Variants in ZNF385D observed in about 807,000 individuals in gnomAD.
The protein encoded by ZNF385D is zinc finger protein 659.
A neutral mutation model predicts 35.8 loss-of-function variants in ZNF385D; 15 were observed. The observed-to-expected ratio is 0.42, with a 90% CI of 0.28 to 0.64. The LOEUF (loss-of-function observed/expected upper bound fraction) is 0.64. Ranked by LOEUF, ZNF385D falls within the 30% of genes least tolerant of loss-of-function variation. The pLI, the probability that ZNF385D is intolerant of heterozygous loss-of-function variation, is 0.23. For missense variants in ZNF385D, 474 were observed against 494.6 expected, an observed-to-expected ratio of 0.96 and a Z score of 0.39; for synonymous variants, 212 against 186.8, an observed-to-expected ratio of 1.13 and a Z score of -1.10.
intron 2 of ZNF385D, among the ~76,000 whole-genome samples, chr3:22,344,306 T>A (rs1404257760): frequency 6.6e-6 from 1 of 152,052 alleles, no homozygotes; most frequent in Non-Finnish European, 1.5e-5. Flanking sequence ...ACTGCAGGAT[T>A]ACTAATTCCT....
At chr3:22,124,723 G>A (rs548201575) in intron 3 of ZNF385D, among the ~76,000 whole-genome samples, 26 of 152,110 alleles carry the variant, frequency 1.7e-4, no homozygotes, top group African/African-American at 5.1e-4. Flanking sequence ...TCTTTTTTGC[G>A]AATTGTCTAT....
At chr3:22,360,312 T>C (rs184562633) in intron 2 of ZNF385D, among the ~76,000 whole-genome samples, 641 of 152,010 alleles carry the variant, frequency 4.2e-3, no homozygotes, top group African/African-American at 0.015. Context: ...TGCCAAGCCA[T>C]CCTCAAACTA....
chr3:21,475,975 T>C (rs1704217578), intron 4 of ZNF385D, among the ~76,000 whole-genome samples: 1 of 152,106 alleles, frequency 6.6e-6, no homozygotes, highest in African/African-American at 2.4e-5. Context: ...CAGTAAATCA[T>C]CAGCAGACAC....
upstream of ZNF385D, among the ~76,000 whole-genome samples, chr3:21,752,886 C>T (rs929902010): frequency 1.3e-5 from 2 of 152,134 alleles, no homozygotes; most frequent in Non-Finnish European, 2.9e-5. Flanking sequence ...TTCCCTCAGG[C>T]AAAAGAACCA....
At chr3:22,140,192 G>C (rs970585482) in intron 3 of ZNF385D, among the ~76,000 whole-genome samples, 1 of 152,192 alleles carries the variant, frequency 6.6e-6, no homozygotes, top group Admixed American at 6.6e-5. Context: ...TTCAACTAGT[G>C]AATGAATAAA....
chr3:22,076,337 C>T (rs899617978), intron 3 of ZNF385D, among the ~76,000 whole-genome samples: 1 of 152,040 alleles, frequency 6.6e-6, no homozygotes, highest in East Asian at 1.9e-4. Context: ...TCACTTCGGT[C>T]CAGTCTCTCT....
chr3:21,879,657 C>A (rs1698173213), intron 3 of ZNF385D, among the ~76,000 whole-genome samples: 1 of 151,962 alleles, frequency 6.6e-6, no homozygotes, highest in Non-Finnish European at 1.5e-5. Flanking sequence ...AAAATAGTCA[C>A]AGAGGTCAGG....
chr3:21,836,303 C>G (rs1274898298), intron 3 of ZNF385D, among the ~76,000 whole-genome samples: 1 of 152,038 alleles, frequency 6.6e-6, no homozygotes, highest in African/African-American at 2.4e-5. Flanking sequence ...TATCATCAAA[C>G]ACTTACTCTG....
At chr3:22,194,373 C>G (rs1168775129) in intron 2 of ZNF385D, among the ~76,000 whole-genome samples, 1 of 151,618 alleles carries the variant, frequency 6.6e-6, no homozygotes, top group Non-Finnish European at 1.5e-5. Context: ...TTAATTCAAT[C>G]TGACAGGTAT....
intron 1 of ZNF385D, among the ~76,000 whole-genome samples, chr3:21,700,510 G>T (rs1367868098): frequency 6.6e-6 from 1 of 152,052 alleles, no homozygotes; most frequent in Non-Finnish European, 1.5e-5. Flanking sequence ...GAACAGCCAG[G>T]ATTAACCCAT....
chr3:21,634,489 A>C (rs1458030666), intron 2 of ZNF385D, among the ~76,000 whole-genome samples: 1 of 152,162 alleles, frequency 6.6e-6, no homozygotes, highest in Non-Finnish European at 1.5e-5. Context: ...CTCAAACTCT[A>C]AATAGCATTG....
intron 3 of ZNF385D, among the ~76,000 whole-genome samples, chr3:22,015,306 G>T (rs747817394): frequency 5.9e-5 from 9 of 152,036 alleles, no homozygotes; most frequent in African/African-American, 1.9e-4. Flanking sequence ...GCAAACATGC[G>T]CATTGCACTA....
intron 3 of ZNF385D, among the ~76,000 whole-genome samples, chr3:21,835,659 T>C (rs1695286871): frequency 6.6e-6 from 1 of 152,140 alleles, no homozygotes; most frequent in African/African-American, 2.4e-5. Context: ...GAAGATTTTA[T>C]ATTTACTTGA....
intron 3 of ZNF385D, among the ~76,000 whole-genome samples, chr3:22,008,360 C>CACTTTTTTTTTT (rs773952386): frequency 1.5e-5 from 2 of 131,938 alleles, no homozygotes; most frequent in African/African-American, 3.0e-5. Context: ...CCATGATTTT[C>CACTTTTTTTTTT]TTTTTTTTTT....
intron 2 of ZNF385D, among the ~76,000 whole-genome samples, chr3:21,660,762 C>A (rs752774220): frequency 2.0e-5 from 3 of 152,184 alleles, no homozygotes; most frequent in Non-Finnish European, 4.4e-5. Flanking sequence ...CCTCTGATAA[C>A]AAACCTAAGA....
chr3:22,096,038 T>C (rs1701603405), intron 3 of ZNF385D, among the ~76,000 whole-genome samples: 1 of 151,866 alleles, frequency 6.6e-6, no homozygotes, highest in Non-Finnish European at 1.5e-5. Flanking sequence ...ATAAAGAATT[T>C]GAAGGAGAGA....
At chr3:22,035,220 G>T (rs557676316) in intron 3 of ZNF385D, among the ~76,000 whole-genome samples, 7 of 152,230 alleles carry the variant, frequency 4.6e-5, no homozygotes, top group Non-Finnish European at 8.8e-5. Flanking sequence ...CAATACAACT[G>T]GTATGCTAAG....
At chr3:21,497,342 G>A (rs533727246) in intron 4 of ZNF385D, among the ~76,000 whole-genome samples, 91 of 152,170 alleles carry the variant, frequency 6.0e-4, no homozygotes, top group Non-Finnish European at 1.0e-3. Context: ...CAGTTAACCA[G>A]GAGATGAAAG....
At chr3:21,597,884 T>C (rs2064169666) in intron 2 of ZNF385D, among the ~76,000 whole-genome samples, 1 of 151,954 alleles carries the variant, frequency 6.6e-6, no homozygotes, top group Non-Finnish European at 1.5e-5. Context: ...TAGGGAAGAA[T>C]GAAAAAACAC....
Sources: gnomAD v4.1 joint callset for allele counts (sites outside exome capture counted in the v4.1 genomes callset) on GRCh38, gnomAD v4.1.1 for gene constraint, MANE v1.5 for transcripts, NCBI Gene and HGNC (gene_info 2026-07-23, HGNC 2026-07-21) for gene names.